SKAP2: variants seen among roughly 807,000 people sequenced by gnomAD.
SKAP2 encodes src kinase associated phosphoprotein 2, also known as src kinase-associated phosphoprotein 2.
A neutral mutation model predicts 54.9 loss-of-function variants in SKAP2; 28 were observed. That is an observed-to-expected ratio of 0.51 (90% confidence interval 0.38 to 0.70). SKAP2 has a LOEUF of 0.70. SKAP2 is among the 30% of genes least tolerant of loss of function. The pLI, the probability that SKAP2 is intolerant of heterozygous loss-of-function variation, is 0.00. For synonymous variants in SKAP2, 137 were observed against 134.3 expected, an observed-to-expected ratio of 1.02 and a Z score of -0.14; for missense variants, 356 against 424.1, an observed-to-expected ratio of 0.84 and a Z score of 1.41.
chr7:26,817,154 G>A (rs1204227821), intron 4 of SKAP2, among the ~76,000 whole-genome samples: 1 of 152,064 alleles, frequency 6.6e-6, no homozygotes, highest in Non-Finnish European at 1.5e-5. Flanking sequence ...ATAAAAAGCT[G>A]TTCAATCTTT....
intron 4 of SKAP2, among the ~76,000 whole-genome samples, chr7:26,841,063 C>G (rs933238445): frequency 2.6e-5 from 4 of 151,930 alleles, no homozygotes; most frequent in Non-Finnish European, 4.4e-5. Flanking sequence ...ATGTACAACT[C>G]AAAAATCAAT....
intron 4 of SKAP2, among the ~76,000 whole-genome samples, chr7:26,812,632 A>G (rs1784177306): frequency 6.6e-6 from 1 of 152,216 alleles, no homozygotes; most frequent in South Asian, 2.1e-4. Context: ...TAAATGATGT[A>G]TATCAAAATG....
intron 4 of SKAP2, among the ~76,000 whole-genome samples, chr7:26,791,213 C>A (rs1378965955): frequency 6.6e-6 from 1 of 152,046 alleles, no homozygotes; most frequent in East Asian, 1.9e-4. Context: ...TCTGTAATAC[C>A]AAAAGTGATT....
Position 26,695,623 on chromosome 7 carries a change from C to T in SKAP2, c.797-5261G>A, listed in dbSNP as rs138635989. On this transcript the variant is annotated intron_variant, in intron 9 of 12. Coordinates refer to ENST00000345317, the MANE Select transcript of SKAP2 (RefSeq NM_003930.5). ...TCTAAAATTTTACTTAAAATACTGT[C>T]TGTTTGTGGACTTTGAAAACATTTT... Among the ~76,000 whole-genome samples, 249 of 152,300 alleles carry T rather than the reference C, an allele frequency of 1.6e-3. 1 individual carries two copies. Among genetic ancestry groups the T allele is most frequent in the African/African-American group, 5.8e-3 (240 of 41,578 alleles).
intron 4 of SKAP2, among the ~76,000 whole-genome samples, chr7:26,841,227 C>T (rs75524841): frequency 0.04 from 6,089 of 151,986 alleles, 177 homozygotes; most frequent in Non-Finnish European, 0.067. Flanking sequence ...GTACCAAGGT[C>T]CAATGCGAAA....
At chr7:26,848,302 T>C (rs1184939326) in intron 3 of SKAP2, among the ~76,000 whole-genome samples, 1 of 152,152 alleles carries the variant, frequency 6.6e-6, no homozygotes, top group African/African-American at 2.4e-5. Flanking sequence ...TGAAGTAATA[T>C]ACAGGTTGAA....
chr7:26,793,059 A>T (rs928749033), intron 4 of SKAP2, among the ~76,000 whole-genome samples: 2 of 152,208 alleles, frequency 1.3e-5, no homozygotes, highest in African/African-American at 4.8e-5. Flanking sequence ...ACTCCAGACT[A>T]GCAGTGACAT....
At chr7:26,794,241 CAGTA>C (rs1238628703) in intron 4 of SKAP2, among the ~76,000 whole-genome samples, 1 of 152,084 alleles carries the variant, frequency 6.6e-6, no homozygotes, top group Non-Finnish European at 1.5e-5. Context: ...TAATTTGTCT[CAGTA>C]ATCCTAGGGG....
At chr7:26,853,438 A>G (rs1319067233) in intron 3 of SKAP2, among the ~76,000 whole-genome samples, 3 of 152,130 alleles carry the variant, frequency 2.0e-5, no homozygotes, top group East Asian at 3.9e-4. Flanking sequence ...TTGAATATAT[A>G]AAGTAGTAGG....
Position 26,698,108 on chromosome 7 carries a change from C to T in SKAP2, c.797-7746G>A, listed in dbSNP as rs750178214. 3.9e-5 allele frequency among the ~76,000 whole-genome samples: 6 copies of T among 152,286 alleles called. 1 individual carries two copies. The highest frequency in any genetic ancestry group is 1.9e-4 in the East Asian group (1 of 5,178). On this transcript the variant is annotated intron_variant, in intron 9 of 12. Coordinates refer to ENST00000345317, the MANE Select transcript of SKAP2 (RefSeq NM_003930.5). ...CTGCCTACTATAACCTCTGGAAAAA[C>T]AGCTGATATATGGATGCAGAGCTCA...
chr7:26,843,281 T>A (rs1343366307), intron 4 of SKAP2, among the ~76,000 whole-genome samples: 3 of 152,030 alleles, frequency 2.0e-5, no homozygotes, highest in Non-Finnish European at 4.4e-5. Flanking sequence ...GTGCTACAAA[T>A]TAATATGCAT....
chr7:26,665,410 T>C (rs1786089074), downstream of SKAP2, among the ~76,000 whole-genome samples: 1 of 152,192 alleles, frequency 6.6e-6, no homozygotes, highest in South Asian at 2.1e-4. Context: ...GTTGATAGTA[T>C]TATGGGATAT....
At chr7:26,828,856 G>A (rs1317372345) in intron 4 of SKAP2, among the ~76,000 whole-genome samples, 6 of 150,714 alleles carry the variant, frequency 4.0e-5, no homozygotes, top group African/African-American at 9.7e-5. Flanking sequence ...ATGAAACCCC[G>A]TCTCTACTAA....
At chr7:26,681,416 C>G (rs1786494443) in intron 11 of SKAP2, among the ~76,000 whole-genome samples, 1 of 152,168 alleles carries the variant, frequency 6.6e-6, no homozygotes. Flanking sequence ...TGCACTCCAG[C>G]CTGGGCAACA....
At chr7:26,711,942 T>C (rs1787317208) in intron 9 of SKAP2, among the ~76,000 whole-genome samples, 1 of 152,090 alleles carries the variant, frequency 6.6e-6, no homozygotes, top group Non-Finnish European at 1.5e-5. Flanking sequence ...GATGATGTTT[T>C]AGTGGCAGAA....
chr7:26,657,223 A>C, the SKAP2 span, among the ~76,000 whole-genome samples: 1 of 152,208 alleles, frequency 6.6e-6, no homozygotes, highest in African/African-American at 2.4e-5. Flanking sequence ...TATTTGCCTT[A>C]AAGCACCATC....
chr7:26,667,281 T>C lies in SKAP2; in HGVS notation c.*2385A>G, dbSNP rs1786121113. ...AAGCTAAGCAAACATAATGAGACCA[T>C]AGCAATTAGCATATTTTCTAACAAG... On this transcript the variant is annotated 3_prime_UTR_variant, in exon 13 of 13. Coordinates refer to ENST00000345317, the MANE Select transcript of SKAP2 (RefSeq NM_003930.5). 1.3e-5 allele frequency: 2 copies of C among 152,162 alleles called. No individual in the cohort carries two copies. Among genetic ancestry groups the C allele is most frequent in the Admixed American group, 6.6e-5 (1 of 15,264 alleles). The allele number at this position is 152,162 out of a possible 1,614,324, so 9.4% of individuals were successfully genotyped here.
chr7:26,811,057 C>T (rs1784133597), intron 4 of SKAP2, among the ~76,000 whole-genome samples: 1 of 151,992 alleles, frequency 6.6e-6, no homozygotes, highest in South Asian at 2.1e-4. Context: ...GTAGTTTGAC[C>T]AGTCACAAAG....
intron 9 of SKAP2, among the ~76,000 whole-genome samples, chr7:26,711,037 G>A (rs1314838782): frequency 6.6e-6 from 1 of 151,926 alleles, no homozygotes; most frequent in African/African-American, 2.4e-5. Context: ...GAATTTCAAG[G>A]GTATTTTGTT....
Sources: allele counts gnomAD v4.1 joint callset (sites outside exome capture counted in the v4.1 genomes callset), GRCh38; gene constraint gnomAD v4.1.1; transcripts MANE v1.5; gene names NCBI Gene and HGNC (gene_info 2026-07-23, HGNC 2026-07-21).